Variants in CHCHD6 observed in about 807,000 individuals in gnomAD.
CHCHD6 encodes coiled-coil-helix-coiled-coil-helix domain containing 6.
A neutral mutation model predicts 32.3 loss-of-function variants in CHCHD6; 28 were observed. That is an observed-to-expected ratio of 0.87 (90% CI 0.64 to 1.19). The LOEUF (loss-of-function observed/expected upper bound fraction) is 1.19. CHCHD6 is among the 50% of genes most tolerant of loss of function. CHCHD6 has a pLI of 0.00. For missense variants in CHCHD6, 333 were observed against 307.0 expected (o/e 1.08, Z -0.63); for synonymous variants, 122 against 117.5 (o/e 1.04, Z -0.25).
At chr3:126,814,986 T>C (rs1939816190) in intron 4 of CHCHD6, among the ~76,000 whole-genome samples, 1 of 152,216 alleles carries the variant, frequency 6.6e-6, no homozygotes, top group Non-Finnish European at 1.5e-5. Context: ...GCGTCTGCTG[T>C]AGAATTAATT....
chr3:126,907,415 T>A (rs918200230), intron 5 of CHCHD6, among the ~76,000 whole-genome samples: 8 of 152,274 alleles, frequency 5.3e-5, no homozygotes, highest in Admixed American at 5.2e-4. Context: ...GTTGTGTAGC[T>A]GACTGCATGT....
intron 4 of CHCHD6, among the ~76,000 whole-genome samples, chr3:126,849,222 C>T (rs530635667): frequency 6.6e-5 from 10 of 152,356 alleles, no homozygotes; most frequent in East Asian, 3.9e-4. Flanking sequence ...TTCAGGCCCC[C>T]GCTTGTGCGG....
rs1164336224 is a variant in CHCHD6, at chr3:126,957,323, C to T, written c.567-93C>T. On this transcript the variant is annotated intron_variant, in intron 6 of 7. Coordinates refer to ENST00000290913, the MANE Select transcript of CHCHD6 (RefSeq NM_032343.3). ...GCTGGGTGTCAGGGACTTAGCCTAG[C>T]GCCTGGGAGGTAGGTGGAGTGAATG... 15 of 1,433,602 alleles carry T rather than the reference C, an allele frequency of 1.0e-5. No individual in the cohort carries two copies. The Admixed American group carries it at 1.3e-4, about 13-fold the overall frequency. The allele number at this position is 1,433,602 out of a possible 1,614,324, so 88.8% of individuals were successfully genotyped here.
At chr3:126,735,886 A>T (rs1002724400) in intron 4 of CHCHD6, among the ~76,000 whole-genome samples, 16 of 152,210 alleles carry the variant, frequency 1.1e-4, no homozygotes, top group Non-Finnish European at 2.2e-4. Flanking sequence ...TTGGAAAGGC[A>T]TCTCCTATAG....
intron 4 of CHCHD6, among the ~76,000 whole-genome samples, chr3:126,781,798 A>T (rs1407047818): frequency 1.3e-5 from 2 of 151,812 alleles, no homozygotes. Flanking sequence ...TCTCAACTTC[A>T]TTTTCCCACT....
chr3:126,953,220 A>T (rs2078740372), intron 6 of CHCHD6: 1 of 771,278 alleles, frequency 1.3e-6, no homozygotes, highest in South Asian at 5.9e-5. Context: ...TCTTTCCACT[A>T]GACCAAGAGT....
intron 4 of CHCHD6, among the ~76,000 whole-genome samples, chr3:126,790,542 A>C (rs1054289856): frequency 2.0e-5 from 3 of 151,830 alleles, no homozygotes; most frequent in South Asian, 4.2e-4. Flanking sequence ...TTTTTTCTTT[A>C]AACTTCTCTT....
intron 5 of CHCHD6, among the ~76,000 whole-genome samples, chr3:126,892,657 C>G (rs2077779932): frequency 6.6e-6 from 1 of 152,220 alleles, no homozygotes; most frequent in South Asian, 2.1e-4. Context: ...GCATAAACCC[C>G]CCCTTCTCCA....
At chr3:126,958,566 G>T (rs554389427) in intron 7 of CHCHD6, among the ~76,000 whole-genome samples, 1 of 152,294 alleles carries the variant, frequency 6.6e-6, no homozygotes, top group South Asian at 2.1e-4. Flanking sequence ...GCTTCCTTGG[G>T]TCATGCCCTG....
At position 126,837,238 on chromosome 3, in the gene CHCHD6, T is replaced by C. The variant is rs548858172; in HGVS notation, c.412-15409T>C. The stretch of plus-strand genomic sequence containing the variant: ...TATTGATTATGTGGCTCTGGGTGAC[T>C]TCATTACTCTGTGCCTCATTTTTCT... On this transcript the variant is annotated intron_variant, in intron 4 of 7. Transcript: ENST00000290913. Among the ~76,000 whole-genome samples the C allele has an allele frequency of 2.4e-3, 363 of 152,312 alleles. 1 individual carries two copies. Among genetic ancestry groups the C allele is most frequent in the Non-Finnish European group, 3.9e-3 (263 of 68,020 alleles).
intron 5 of CHCHD6, among the ~76,000 whole-genome samples, chr3:126,903,134 C>G (rs971496299): frequency 6.6e-6 from 1 of 152,214 alleles, no homozygotes; most frequent in Non-Finnish European, 1.5e-5. Flanking sequence ...GACTGAGCAT[C>G]TCCAACACTA....
intron 5 of CHCHD6, among the ~76,000 whole-genome samples, chr3:126,895,159 G>GT (rs768804895): frequency 1.3e-5 from 2 of 152,282 alleles, no homozygotes; most frequent in Non-Finnish European, 2.9e-5. Context: ...CTTGTTAATG[G>GT]TTGCATAGCT....
At chr3:126,709,345 T>G (rs1268388868) in intron 1 of CHCHD6, among the ~76,000 whole-genome samples, 5 of 152,254 alleles carry the variant, frequency 3.3e-5, no homozygotes, top group African/African-American at 1.2e-4. Flanking sequence ...TCCTGTTGTA[T>G]GTATATACTG....
In CHCHD6 at chr3:126,873,176, C is replaced by T. The variant is rs118034602; in HGVS notation, c.495+20446C>T. On this transcript the variant is annotated intron_variant, in intron 5 of 7. Transcript: ENST00000290913. ...ATTCAAAGAATAAGTGGAGGCCATGCGCATCATCTCTCTAGATGAGAAATA... is the reference window on the plus strand; with the variant it reads ...ATTCAAAGAATAAGTGGAGGCCATGTGCATCATCTCTCTAGATGAGAAATA... Among the ~76,000 whole-genome samples, 168 of 152,306 alleles carry T rather than the reference C, an allele frequency of 1.1e-3. 2 individuals carry two copies. In the East Asian group the frequency reaches 0.026, roughly 24 times the overall value.
chr3:126,896,197 A>C (rs532103002), intron 5 of CHCHD6, among the ~76,000 whole-genome samples: 1 of 152,340 alleles, frequency 6.6e-6, no homozygotes, highest in Non-Finnish European at 1.5e-5. Context: ...GTTACTTTTC[A>C]AGATAAAACA....
intron 3 of CHCHD6, among the ~76,000 whole-genome samples, chr3:126,732,481 G>C (rs953794631): frequency 2.6e-5 from 4 of 152,150 alleles, no homozygotes; most frequent in Admixed American, 2.6e-4. Context: ...ATTTTCTAGT[G>C]ATGATGTCAT....
At chr3:126,899,043 C>T (rs1302116847) in intron 5 of CHCHD6, among the ~76,000 whole-genome samples, 2 of 152,192 alleles carry the variant, frequency 1.3e-5, no homozygotes. Flanking sequence ...CCACCACTGA[C>T]TCTGAGGGTC....
At chr3:126,710,549 G>A (rs1934702548) in intron 1 of CHCHD6, among the ~76,000 whole-genome samples, 1 of 152,156 alleles carries the variant, frequency 6.6e-6, no homozygotes, top group Admixed American at 6.5e-5. Context: ...TAGCAACATG[G>A]AGTCTGCCAA....
At chr3:126,795,863 T>C (rs906688817) in intron 4 of CHCHD6, among the ~76,000 whole-genome samples, 1 of 152,178 alleles carries the variant, frequency 6.6e-6, no homozygotes, top group Non-Finnish European at 1.5e-5. Flanking sequence ...ACCCTTCTGC[T>C]GGGGCTCTGT....
Sources: gnomAD v4.1 joint callset for allele counts (sites outside exome capture counted in the v4.1 genomes callset) on GRCh38, gnomAD v4.1.1 for gene constraint, MANE v1.5 for transcripts, NCBI Gene and HGNC (gene_info 2026-07-23, HGNC 2026-07-21) for gene names.